The following UBAP2L variants were observed in gnomAD, a reference collection of about 807,000 sequenced individuals.
UBAP2L encodes the protein ubiquitin associated protein 2 like.
A neutral mutation model predicts 130.6 loss-of-function variants in UBAP2L; 12 were observed. The ratio of observed to expected loss-of-function variants is 0.09; its 90% confidence interval spans 0.06 to 0.15. UBAP2L has a LOEUF of 0.15. Ranked by LOEUF, UBAP2L falls within the 10% of genes least tolerant of loss-of-function variation. UBAP2L has a pLI of 1.00. For synonymous variants in UBAP2L, 503 were observed against 524.7 expected (o/e 0.96, Z 0.57); for missense variants, 965 against 1,332.5 (o/e 0.72, Z 4.29).
At chr1:154,243,125 C>T in intron 9 of UBAP2L, 92 bp from the exon 10 acceptor site, 1 of 1,074,864 alleles carries the variant, frequency 9.3e-7, no homozygotes, top group Non-Finnish European at 1.4e-6. Flanking sequence ...AGGGCTTTCA[C>T]TTTTTCTTGA....
At chr1:154,233,536 G>T (rs1035416348) in intron 4 of UBAP2L, among the ~76,000 whole-genome samples, 7 of 146,140 alleles carry the variant, frequency 4.8e-5, no homozygotes, top group Non-Finnish European at 1.0e-4. Context: ...TGTTGGCCAG[G>T]CTGGTCTCAA....
At chr1:154,224,892 T>G (rs1435365106) in intron 1 of UBAP2L, among the ~76,000 whole-genome samples, 192 bp from the exon 2 acceptor site, 1 of 152,242 alleles carries the variant, frequency 6.6e-6, no homozygotes, top group Non-Finnish European at 1.5e-5. Context: ...ACATTTCTTG[T>G]TACATAAAAA....
intron 23 of UBAP2L, 76 bp downstream of exon 23, chr1:154,261,185 TC>T: frequency 6.9e-7 from 1 of 1,454,622 alleles, no homozygotes. Context: ...CTTTTAAGGG[TC>T]AATGACTTTA....
chr1:154,240,391 C>A (rs951226639), intron 8 of UBAP2L, among the ~76,000 whole-genome samples: 3 of 151,958 alleles, frequency 2.0e-5, no homozygotes, highest in Non-Finnish European at 4.4e-5. Flanking sequence ...TGGATTTCTC[C>A]AGTAGAAACT....
chr1:154,248,863 C>G (rs1558180771), intron 11 of UBAP2L, among the ~76,000 whole-genome samples: 1 of 152,048 alleles, frequency 6.6e-6, no homozygotes, highest in African/African-American at 2.4e-5. Flanking sequence ...AAATTTTATC[C>G]CTGAGAAGCA....
At chr1:154,224,809 G>A (rs1228000081) in intron 1 of UBAP2L, among the ~76,000 whole-genome samples, 1 of 152,156 alleles carries the variant, frequency 6.6e-6, no homozygotes, top group Non-Finnish European at 1.5e-5. Context: ...TAAATGTAAA[G>A]TCTGCTTATG....
chr1:154,236,634 C>CTTAATT (rs1558145409), intron 7 of UBAP2L, 23 bp downstream of exon 7: 1 of 1,613,416 alleles, frequency 6.2e-7, no homozygotes. Flanking sequence ...GATCTAGTGT[C>CTTAATT]TTAATTTTTT....
chr1:154,227,818 G>A (rs1668483113), intron 3 of UBAP2L, among the ~76,000 whole-genome samples: 3 of 152,148 alleles, frequency 2.0e-5, no homozygotes, highest in African/African-American at 7.2e-5. Flanking sequence ...AAAGTGCTGG[G>A]ATTACAGGTG....
In UBAP2L at chr1:154,251,473, CT is replaced by C. The variant is rs751046306; in HGVS notation, c.1492-5del. The C allele has an allele frequency of 1.0e-4, 162 of 1,612,878 alleles. No homozygotes were observed. The highest frequency in any genetic ancestry group is 1.3e-4 in the Non-Finnish European group (157 of 1,179,712). On this transcript the variant is annotated splice_polypyrimidine_tract_variant and splice_region_variant and intron_variant, in intron 13 of 26. Coordinates refer to ENST00000428931, the MANE Select transcript of UBAP2L (RefSeq NM_014847.4). ...GCCATTACTTTCTCTTCTCCTTCAA[CT>C]TTATAGATTCCTGCTCTGGCTGTGG...
chr1:154,269,179 C>T lies in UBAP2L; in HGVS notation c.3168+225C>T. 3 of 816,252 alleles carry T rather than the reference C, an allele frequency of 3.7e-6. No individual in the cohort carries two copies. The South Asian group carries it at 5.4e-5, about 15-fold the overall frequency. 50.6% of individuals were successfully genotyped at this position (816,252 alleles called of 1,614,324 possible). A position where few individuals can be genotyped will look rare whatever the true frequency, so the allele number is the denominator to read the frequency against. Reference sequence around the variant, plus strand: ...GGGTTGAAACCTTTTTTGCCCAATTCCTTTGGTGCCCTTCTCCTCCTGTGC... The same window carrying T: ...GGGTTGAAACCTTTTTTGCCCAATTTCTTTGGTGCCCTTCTCCTCCTGTGC... On this transcript the variant is annotated intron_variant, in intron 26 of 26. Transcript: ENST00000428931.
intron 9 of UBAP2L, 103 bp downstream of exon 9, chr1:154,241,668 A>G: frequency 9.1e-6 from 14 of 1,539,248 alleles, no homozygotes; most frequent in Non-Finnish European, 1.2e-5. Flanking sequence ...CACCCTTAAG[A>G]TTCTGACCCA....
intron 8 of UBAP2L, among the ~76,000 whole-genome samples, chr1:154,241,245 C>T (rs887975317): frequency 1.1e-4 from 17 of 151,982 alleles, no homozygotes; most frequent in East Asian, 1.9e-4. Flanking sequence ...TGTGCCACCA[C>T]GCCCAGCTAA....
chr1:154,225,976 G>C (rs1471231593), intron 2 of UBAP2L, among the ~76,000 whole-genome samples: 1 of 152,192 alleles, frequency 6.6e-6, no homozygotes, highest in Non-Finnish European at 1.5e-5. Flanking sequence ...ACCATGCCCA[G>C]CTAATTTTTG....
rs558074843 is a variant in UBAP2L, at chr1:154,225,284, A to G, written c.90+71A>G. Reference sequence around the variant, plus strand: ...GATACTGGTTTCCATGCAGTACAGCATCATTCTGTGCTTTGAACTGTTGGT... The same window carrying G: ...GATACTGGTTTCCATGCAGTACAGCGTCATTCTGTGCTTTGAACTGTTGGT... On this transcript the variant is annotated intron_variant, in intron 2 of 26. Transcript: ENST00000428931. 2.0e-4 allele frequency: 310 copies of G among 1,530,758 alleles called. 1 individual carries two copies. The highest frequency in any genetic ancestry group is 5.5e-5 in the African/African-American group (4 of 72,980). 94.8% of individuals were successfully genotyped at this position (1,530,758 alleles called of 1,614,324 possible). A position where few individuals can be genotyped will look rare whatever the true frequency, so the allele number is the denominator to read the frequency against.
chr1:154,238,687 A>C (rs577885690), intron 8 of UBAP2L, among the ~76,000 whole-genome samples: 47 of 152,284 alleles, frequency 3.1e-4, no homozygotes, highest in Admixed American at 5.9e-4. Context: ...TTGTTAGTGC[A>C]AAAGTGTTGG....
chr1:154,254,626 T>C (rs1678995453), intron 15 of UBAP2L: 1 of 591,502 alleles, frequency 1.7e-6, no homozygotes, highest in Non-Finnish European at 2.9e-6. Context: ...GGTCACACAG[T>C]GTTGGTATAT....
chr1:154,256,924 T>C (rs760321285), intron 18 of UBAP2L, 139 bp from the exon 19 acceptor site: 1 of 904,572 alleles, frequency 1.1e-6, no homozygotes, highest in East Asian at 2.6e-5. Flanking sequence ...GGGTGTACTT[T>C]GGTACCTTGC....
chr1:154,222,351 A>G (rs189051034), intron 1 of UBAP2L, among the ~76,000 whole-genome samples: 112 of 152,252 alleles, frequency 7.4e-4, no homozygotes, highest in African/African-American at 2.3e-3. Context: ...GACTATCCCA[A>G]TGATTACAGA....
intron 10 of UBAP2L, among the ~76,000 whole-genome samples, chr1:154,244,698 A>T (rs534586268): frequency 6.6e-6 from 1 of 152,280 alleles, no homozygotes; most frequent in East Asian, 1.9e-4. Context: ...AGCAACAGCT[A>T]AACGGAAGAA....
Sources: allele counts gnomAD v4.1 joint callset (sites outside exome capture counted in the v4.1 genomes callset), GRCh38; gene constraint gnomAD v4.1.1; transcripts MANE v1.5; gene names NCBI Gene and HGNC (gene_info 2026-07-23, HGNC 2026-07-21).